The following GLTP variants were observed in gnomAD, a reference collection of about 807,000 sequenced individuals.
GLTP encodes glycolipid transfer protein.
GLTP carries 22 observed loss-of-function variants against 24.0 expected under a neutral mutation model. The observed-to-expected ratio is 0.92, with a 90% confidence interval of 0.65 to 1.31. The LOEUF is 1.31. Ranked by LOEUF, GLTP falls within the 50% of genes most tolerant of loss-of-function variation. The pLI is 0.00. For synonymous variants in GLTP, 92 were observed against 115.9 expected, an observed-to-expected ratio of 0.79 and a Z score of 1.33; for missense variants, 224 against 276.6, an observed-to-expected ratio of 0.81 and a Z score of 1.35.
chr12:109,875,931 T>C (rs1868865482), intron 1 of GLTP, among the ~76,000 whole-genome samples: 2 of 152,044 alleles, frequency 1.3e-5, no homozygotes, highest in Admixed American at 6.6e-5. Flanking sequence ...ACCAAAGGAG[T>C]GCACAAATAA....
rs544997129 is a variant in GLTP at position 109,851,010 on chromosome 12, T to A, written c.*1545A>T. 1 of 152,776 alleles carries A rather than the reference T, an allele frequency of 6.5e-6. No homozygotes were observed. Among genetic ancestry groups the A allele is most frequent in the Non-Finnish European group, 1.5e-5 (1 of 68,020 alleles). 9.5% of individuals were successfully genotyped at this position (152,776 alleles called of 1,614,324 possible). A position where few individuals can be genotyped will look rare whatever the true frequency, so the allele number is the denominator to read the frequency against. On this transcript the variant is annotated 3_prime_UTR_variant, in exon 5 of 5. Transcript: ENST00000318348. ...TTTCTGCATAAAAATCTCCAATTGT[T>A]CCTCATTGGGTTTTTTCTTTTAAAA...
intron 1 of GLTP, among the ~76,000 whole-genome samples, chr12:109,874,375 C>G (rs1868819191): frequency 6.6e-6 from 1 of 152,158 alleles, no homozygotes; most frequent in African/African-American, 2.4e-5. Flanking sequence ...TGATGGAAAA[C>G]CACTCTTTCT....
chr12:109,852,654 C>G lies in GLTP; in HGVS notation c.531G>C (p.Leu177=). 6.2e-7 allele frequency: 1 copy of G among 1,604,698 alleles called. No individual in the cohort carries two copies. Among genetic ancestry groups the G allele is most frequent in the South Asian group, 1.1e-5 (1 of 90,888 alleles). The change falls in exon 5 of 5, where the codon CTG becomes CTC. Residue 177 remains leucine (L), a synonymous_variant. Coordinates refer to ENST00000318348, the MANE Select transcript of GLTP (RefSeq NM_016433.4). ...TGACTAGGAAGAGGCGGATCTTCTC[C>G]AGGCACTCCTCCTCCGTAACATTCT... The part of the protein sequence containing the change: ...KGQNVTEEEC[L]EKIRLFLVNY...
At chr12:109,867,302 C>T (rs1262519445) in intron 1 of GLTP, among the ~76,000 whole-genome samples, 1 of 152,022 alleles carries the variant, frequency 6.6e-6, no homozygotes, top group African/African-American at 2.4e-5. Context: ...GCGCACGCCA[C>T]CATGCCAGGC....
At chr12:109,865,982 A>C (rs953238759) in intron 1 of GLTP, among the ~76,000 whole-genome samples, 6 of 152,196 alleles carry the variant, frequency 3.9e-5, no homozygotes, top group Admixed American at 1.3e-4. Flanking sequence ...GAGACGAGAA[A>C]TCCCACCACC....
intron 1 of GLTP, among the ~76,000 whole-genome samples, chr12:109,877,668 G>C (rs189119895): frequency 6.6e-6 from 1 of 152,138 alleles, no homozygotes; most frequent in African/African-American, 2.4e-5. Flanking sequence ...GCTGCAAGGC[G>C]TTTCACACTC....
At chr12:109,871,329 C>T (rs1190524200) in intron 1 of GLTP, among the ~76,000 whole-genome samples, 2 of 152,180 alleles carry the variant, frequency 1.3e-5, no homozygotes, top group Non-Finnish European at 2.9e-5. Flanking sequence ...TCGTGATCTA[C>T]CCGCTTCGGC....
intron 1 of GLTP, among the ~76,000 whole-genome samples, chr12:109,872,957 C>T (rs1208069284): frequency 1.3e-5 from 2 of 152,180 alleles, no homozygotes; most frequent in African/African-American, 4.8e-5. Flanking sequence ...GGCCCAGGAC[C>T]GCTTTGAATG....
At chr12:109,859,543 G>T (rs1009341941) in intron 1 of GLTP, among the ~76,000 whole-genome samples, 1 of 151,408 alleles carries the variant, frequency 6.6e-6, no homozygotes, top group East Asian at 1.9e-4. Flanking sequence ...TTTTTGCACA[G>T]ATCTTGATGA....
chr12:109,857,575 C>A lies in GLTP; in HGVS notation c.247G>T (p.Ala83Ser). ...GTGGCCCCTACTTTGGGCCACTCTG[C>A]TCCATACATTTCTTTCTCCACCTCC... is the stretch of plus-strand genomic sequence containing the variant. The part of the protein sequence containing the change: ...ILEVEKEMYG[A>S]EWPKVGATLA... Residue 83 changes from alanine to serine, a missense_variant, in exon 3 of 5, where the codon GCA (alanine) becomes TCA (serine). Coordinates refer to ENST00000318348, the MANE Select transcript of GLTP (RefSeq NM_016433.4). The surrounding 1 kb of genome is among the most constrained non-coding windows in gnomAD (Gnocchi z 4.3). 6.2e-7 allele frequency: 1 copy of A among 1,614,106 alleles called. No individual in the cohort carries two copies. Among genetic ancestry groups the A allele is most frequent in the South Asian group, 1.1e-5 (1 of 91,084 alleles).
chr12:109,880,254 C>G lies in GLTP; in HGVS notation c.103+18G>C. 2 of 1,492,212 alleles carry G rather than the reference C, an allele frequency of 1.3e-6. No homozygotes were observed. Among genetic ancestry groups the G allele is most frequent in the East Asian group, 2.3e-5 (1 of 43,366 alleles). The allele number at this position is 1,492,212 out of a possible 1,614,324, so 92.4% of individuals were successfully genotyped here. ...CGCGTGGGGCTGCGGGCCGCCTCCCCCCTCCATTCCGGCTCACCGAAGAAG... is the reference window on the plus strand; with the variant it reads ...CGCGTGGGGCTGCGGGCCGCCTCCCGCCTCCATTCCGGCTCACCGAAGAAG... On this transcript the variant is annotated intron_variant, in intron 1 of 4. Transcript: ENST00000318348. The surrounding 1 kb of genome is among the most constrained non-coding windows in gnomAD (Gnocchi z 5.1).
chr12:109,875,432 A>G (rs1197843123), intron 1 of GLTP, among the ~76,000 whole-genome samples: 3 of 152,194 alleles, frequency 2.0e-5, no homozygotes, highest in African/African-American at 7.2e-5. Context: ...GCTAAAGCAC[A>G]GGTTTCAAGC....
intron 4 of GLTP, among the ~76,000 whole-genome samples, chr12:109,854,820 A>AC: frequency 6.6e-6 from 1 of 151,940 alleles, no homozygotes; most frequent in East Asian, 1.9e-4. Flanking sequence ...CACGCATCTC[A>AC]CCCTATGACC....
chr12:109,860,253 C>A (rs1398154940), intron 1 of GLTP: 6 of 193,618 alleles, frequency 3.1e-5, no homozygotes, highest in Non-Finnish European at 5.6e-5. Context: ...GCTGGGATTA[C>A]AGGCGTGAGC....
chr12:109,875,772 A>T (rs1050763754), intron 1 of GLTP, among the ~76,000 whole-genome samples: 1 of 152,264 alleles, frequency 6.6e-6, no homozygotes. Flanking sequence ...TCAGGCAGGC[A>T]AGAGGCTGGC....
At position 109,855,761 on chromosome 12, in the gene GLTP, C is replaced by T. The variant is rs746768939; in HGVS notation, c.305G>A (p.Arg102His). The T allele has an allele frequency of 8.8e-6, 14 of 1,596,470 alleles. No individual in the cohort carries two copies. Among genetic ancestry groups the T allele is most frequent in the South Asian group, 5.6e-5 (5 of 88,590 alleles). The part of the protein sequence containing the change: ...LALMWLKRGL[R>H]FIQVFLQSIC... ...GCTCTGGAGGAAGACCTGGATGAAG[C>T]GGAGGCCTCTGTGGCCCAGGGAGGA... Residue 102 changes from arginine (R) to histidine (H), a missense_variant, in exon 4 of 5, where the codon CGC becomes CAC. Transcript: ENST00000318348. This position sits in a 1 kb window ranked among gnomAD's most constrained non-coding sequence, Gnocchi z 4.1.
intron 1 of GLTP, among the ~76,000 whole-genome samples, chr12:109,869,257 T>C (rs1368083281): frequency 3.7e-5 from 5 of 135,074 alleles, no homozygotes; most frequent in Admixed American, 1.7e-4. Flanking sequence ...CCAAGATTGA[T>C]TGCGCCACTG....
rs1255068434 is a variant in GLTP at position 109,880,418 on chromosome 12, G to C, written c.-44C>G. ...GGTGATGCCCCAGCCGGCGCCGCGG[G>C]CGTCGACACCGCCCCCCCGGCCGCC... On this transcript the variant is annotated 5_prime_UTR_variant, in exon 1 of 5. Coordinates refer to ENST00000318348, the MANE Select transcript of GLTP (RefSeq NM_016433.4). The surrounding 1 kb of genome is among the most constrained non-coding windows in gnomAD (Gnocchi z 5.1). The C allele has an allele frequency of 9.9e-7, 1 of 1,013,538 alleles. No homozygotes were observed. Among genetic ancestry groups the C allele is most frequent in the South Asian group, 1.9e-5 (1 of 52,036 alleles). 62.8% of individuals were successfully genotyped at this position (1,013,538 alleles called of 1,614,324 possible).
chr12:109,868,279 G>A (rs972072191), intron 1 of GLTP, among the ~76,000 whole-genome samples: 3 of 152,234 alleles, frequency 2.0e-5, no homozygotes, highest in African/African-American at 7.2e-5. Flanking sequence ...CCAAAGCACT[G>A]GAATTACAGG....
Sources: gnomAD v4.1 joint callset for allele counts (sites outside exome capture counted in the v4.1 genomes callset) on GRCh38, gnomAD v4.1.1 for gene constraint, Gnocchi (gnomAD v3.1) non-coding constraint, MANE v1.5 for transcripts, NCBI Gene and HGNC (gene_info 2026-07-23, HGNC 2026-07-21) for gene names.